MAPK9: variants seen among roughly 807,000 people sequenced by gnomAD.
MAPK9 encodes mitogen-activated protein kinase 9, also known as Jun kinase.
Under a neutral mutation model 57.1 loss-of-function variants are expected in MAPK9, and 30 were observed. The ratio of observed to expected loss-of-function variants is 0.53; its 90% confidence interval spans 0.39 to 0.71. The LOEUF is 0.71. Ranked by LOEUF, MAPK9 falls within the 30% of genes least tolerant of loss-of-function variation. The pLI is 0.00. For missense variants in MAPK9, 362 were observed against 521.0 expected (o/e 0.69, Z 2.97); for synonymous variants, 155 against 177.0 (o/e 0.88, Z 0.99).
chr5:180,281,741 G>A (rs1762330288), intron 1 of MAPK9, among the ~76,000 whole-genome samples: 1 of 152,102 alleles, frequency 6.6e-6, no homozygotes, highest in Non-Finnish European at 1.5e-5. Context: ...TCTAAATAAA[G>A]AACTGAGTCA....
At chr5:180,286,878 A>G (rs1454388177) in intron 1 of MAPK9, 1 of 152,292 alleles carries the variant, frequency 6.6e-6, no homozygotes, top group Non-Finnish European at 1.5e-5. Context: ...GTGCCAAACT[A>G]GAAACAACCC....
chr5:180,257,296 AAG>A (rs920699931), intron 5 of MAPK9, among the ~76,000 whole-genome samples: 1 of 152,200 alleles, frequency 6.6e-6, no homozygotes, highest in African/African-American at 2.4e-5. Context: ...TTCCTGGCAA[AAG>A]AGATCTGAAA....
chr5:180,261,759 A>G lies in MAPK9; in HGVS notation c.375T>C (p.His125=), dbSNP rs2127595779. 6 of 1,613,210 alleles carry G rather than the reference A, an allele frequency of 3.7e-6. No individual in the cohort carries two copies. The highest frequency in any genetic ancestry group is 5.1e-6 in the Non-Finnish European group (6 of 1,179,272). The part of the protein sequence containing the change: ...LCQVIHMELD[H]ERMSYLLYQM... Reference sequence around the variant, plus strand: ...GGTAAAGAAGGTAGGACATTCTTTCATGATCCAGCTCCATGTGAATAACCT... The same window carrying G: ...GGTAAAGAAGGTAGGACATTCTTTCGTGATCCAGCTCCATGTGAATAACCT... The change falls in exon 5 of 12, where the codon CAT becomes CAC. Residue 125 remains histidine (H), a synonymous_variant. Coordinates refer to ENST00000452135, the MANE Select transcript of MAPK9 (RefSeq NM_002752.5).
In MAPK9 at chr5:180,264,832, CTAAT is replaced by C; in HGVS notation, c.256_259del (p.Ile86ValfsTer3). The C allele has an allele frequency of 6.5e-7, 1 of 1,543,704 alleles. No individual in the cohort carries two copies. The highest frequency in any genetic ancestry group is 8.8e-7 in the Non-Finnish European group (1 of 1,140,826). The stretch of plus-strand genomic sequence containing the variant: ...TTGTGGTGTAAACACATTTAACAAA[CTAAT>C]TATCTGAAAAGAGAAAATTAATTAT... On this transcript the variant is annotated frameshift_variant, in exon 4 of 12. Transcript: ENST00000452135. LOFTEE classifies it high-confidence loss of function.
chr5:180,238,131 A>G (rs144671272), intron 11 of MAPK9: 5,051 of 410,540 alleles, frequency 0.012, 102 homozygotes, highest in African/African-American at 0.055. Flanking sequence ...TTAGCAGGGC[A>G]TGGTGGCGCG....
In MAPK9 at chr5:180,235,830, C is replaced by T. The variant is rs1044904648; in HGVS notation, c.*554G>A. 6.6e-6 allele frequency: 1 copy of T among 152,446 alleles called. No individual in the cohort carries two copies. The highest frequency in any genetic ancestry group is 1.5e-5 in the Non-Finnish European group (1 of 68,016). 9.4% of individuals were successfully genotyped at this position (152,446 alleles called of 1,614,324 possible). On this transcript the variant is annotated 3_prime_UTR_variant, in exon 12 of 12. Coordinates refer to ENST00000452135, the MANE Select transcript of MAPK9 (RefSeq NM_002752.5). ...TTAAATAGATTTAATTATATGTCTT[C>T]TGAAATACAAAAGATAGAATAAATC... is the stretch of plus-strand genomic sequence containing the variant.
At position 180,279,018 on chromosome 5, in the gene MAPK9, C is replaced by T. The variant is rs576403270; in HGVS notation, c.122+1422G>A. Among the ~76,000 whole-genome samples, 295 of 147,946 alleles carry T rather than the reference C, an allele frequency of 2.0e-3. 1 individual carries two copies. In the Middle Eastern group the frequency reaches 0.025, roughly 13 times the overall value. On this transcript the variant is annotated intron_variant, in intron 2 of 11. Coordinates refer to ENST00000452135, the MANE Select transcript of MAPK9 (RefSeq NM_002752.5). ...CATCGCCCAGGCTGGAGTGCAGTGG[C>T]GCGATCTTGGCTCACTGCAACCTCC...
intron 2 of MAPK9, among the ~76,000 whole-genome samples, chr5:180,270,739 T>C (rs187989033): frequency 1.5e-4 from 23 of 151,528 alleles, no homozygotes; most frequent in African/African-American, 5.6e-4. Context: ...TAGACCCAGT[T>C]ACTCAGGGGA....
At chr5:180,271,359 A>T (rs1761293469) in intron 2 of MAPK9, among the ~76,000 whole-genome samples, 1 of 152,192 alleles carries the variant, frequency 6.6e-6, no homozygotes, top group African/African-American at 2.4e-5. Context: ...TTCATTTATC[A>T]GCTTTAGAAA....
At chr5:180,259,327 G>A (rs879182408) in intron 5 of MAPK9, among the ~76,000 whole-genome samples, 2 of 151,546 alleles carry the variant, frequency 1.3e-5, no homozygotes, top group African/African-American at 2.4e-5. Context: ...AGACATTCCA[G>A]TTCTCTACGT....
At chr5:180,274,013 T>G (rs770749015) in intron 2 of MAPK9, among the ~76,000 whole-genome samples, 9 of 152,224 alleles carry the variant, frequency 5.9e-5, no homozygotes, top group Non-Finnish European at 1.2e-4. Context: ...GAGATTTGAT[T>G]GCAATCACTC....
chr5:180,273,445 T>C (rs1237198866), intron 2 of MAPK9, among the ~76,000 whole-genome samples: 4 of 152,178 alleles, frequency 2.6e-5, no homozygotes, highest in South Asian at 2.1e-4. Flanking sequence ...CAGGCTGGTC[T>C]TGAACTCCTG....
Position 180,247,317 on chromosome 5 carries a change from T to G in MAPK9, c.688+122A>C, listed in dbSNP as rs960185675. On this transcript the variant is annotated intron_variant, in intron 7 of 11. Transcript: ENST00000452135. The surrounding 1 kb of genome is among the most constrained non-coding windows in gnomAD (Gnocchi z 4.5). ...ATTAACAAATACAGTAAAGCCCCCC[T>G]TAGAACACAGTCTGGAGTGGATTTT... 33 of 1,068,828 alleles carry G rather than the reference T, an allele frequency of 3.1e-5. No homozygotes were observed. In the African/African-American group the frequency reaches 4.9e-4, roughly 16 times the overall value. 66.2% of individuals were successfully genotyped at this position (1,068,828 alleles called of 1,614,324 possible).
rs1468286876 is a variant in MAPK9, at chr5:180,271,969, T to C, written c.123-2560A>G. ...AAAAAATGCCAGTTTTAGCCTATCA[T>C]TGACACATCTTAGCTTCTCACATTA... On this transcript the variant is annotated intron_variant, in intron 2 of 11. Transcript: ENST00000452135. Among the ~76,000 whole-genome samples, 3 of 152,356 alleles carry C rather than the reference T, an allele frequency of 2.0e-5. No homozygotes were observed. The East Asian group carries it at 5.8e-4, about 29-fold the overall frequency.
At chr5:180,280,208 C>G (rs1029758083) in intron 2 of MAPK9, among the ~76,000 whole-genome samples, 1 of 151,720 alleles carries the variant, frequency 6.6e-6, no homozygotes, top group Non-Finnish European at 1.5e-5. Context: ...AAGAAACAAA[C>G]AAAAAAGAAA....
intron 5 of MAPK9, among the ~76,000 whole-genome samples, chr5:180,260,480 T>C (rs761602727): frequency 1.3e-5 from 2 of 152,224 alleles, no homozygotes; most frequent in Admixed American, 1.3e-4. Flanking sequence ...TGAAATGTTA[T>C]ACAAGTTATA....
At position 180,267,728 on chromosome 5, in the gene MAPK9, G is replaced by A. The variant is rs951098465; in HGVS notation, c.252+1552C>T. ...AACAATTTTAAAAACTGCCAAGCATGGTGGCGCACGCCTATGGTCCCAGCT... is the reference window on the plus strand; with the variant it reads ...AACAATTTTAAAAACTGCCAAGCATAGTGGCGCACGCCTATGGTCCCAGCT... On this transcript the variant is annotated intron_variant, in intron 3 of 11. Transcript: ENST00000452135. Among the ~76,000 whole-genome samples, 6 of 152,078 alleles carry A rather than the reference G, an allele frequency of 3.9e-5. No homozygotes were observed. The East Asian group carries it at 7.7e-4, about 20-fold the overall frequency.
intron 7 of MAPK9, among the ~76,000 whole-genome samples, chr5:180,245,870 C>G (rs923293882): frequency 5.4e-4 from 83 of 152,298 alleles, no homozygotes; most frequent in African/African-American, 1.9e-3. Context: ...AGTCTGATTT[C>G]TGCAACTTTT....
At chr5:180,277,325 G>T (rs968141784) in intron 2 of MAPK9, among the ~76,000 whole-genome samples, 9 of 152,140 alleles carry the variant, frequency 5.9e-5, no homozygotes, top group Admixed American at 5.9e-4. Context: ...TGCAGGCTCT[G>T]GGGGGAGTCT....
Sources: gnomAD v4.1 joint callset for allele counts (sites outside exome capture counted in the v4.1 genomes callset) on GRCh38, gnomAD v4.1.1 for gene constraint, Gnocchi (gnomAD v3.1) non-coding constraint, MANE v1.5 for transcripts, NCBI Gene and HGNC (gene_info 2026-07-23, HGNC 2026-07-21) for gene names.